The following CAPN15 variants were observed in gnomAD, a reference collection of about 807,000 sequenced individuals.
CAPN15 encodes the protein calpain 15.
Under a neutral mutation model 97.9 loss-of-function variants are expected in CAPN15, and 53 were observed. The observed-to-expected ratio is 0.54, with a 90% CI of 0.43 to 0.68. The LOEUF (loss-of-function observed/expected upper bound fraction) is 0.68. Among genes scored for constraint, CAPN15 ranks in the 30% least tolerant of loss-of-function variants. CAPN15 has a pLI of 0.00. For missense variants in CAPN15, 1,592 were observed against 1,589.8 expected, an observed-to-expected ratio of 1.00 and a Z score of -0.02; for synonymous variants, 922 against 722.5, an observed-to-expected ratio of 1.28 and a Z score of -4.43.
chr16:551,473 G>A (rs374971860), intron 8 of CAPN15, 39 bp from the exon 9 acceptor site: 74 of 1,601,178 alleles, frequency 4.6e-5, no homozygotes, highest in Middle Eastern at 1.7e-4. Context: ...GGTGAGACTC[G>A]GGCAGTGTGG....
intron 4 of CAPN15, 114 bp downstream of exon 4, chr16:548,401 T>A: frequency 9.1e-7 from 1 of 1,096,504 alleles, no homozygotes; most frequent in Non-Finnish European, 1.2e-6. Context: ...GCCTAAGACG[T>A]GATGGGGAGG....
chr16:551,007 TC>T (rs2035007759), intron 7 of CAPN15, among the ~76,000 whole-genome samples: 3 of 9,756 alleles, frequency 3.1e-4, no homozygotes, highest in Non-Finnish European at 5.7e-4. Context: ...TCGGTGAGGG[TC>T]CCCTGTCGGT....
At position 549,043 on chromosome 16, in the gene CAPN15, C is replaced by G; in HGVS notation, c.1500C>G (p.Val500=). The G allele has an allele frequency of 1.2e-6, 2 of 1,612,764 alleles. No homozygotes were observed. The highest frequency in any genetic ancestry group is 1.7e-6 in the Non-Finnish European group (2 of 1,179,946). ...DDSFPPGPES[V]GFPAGDSVQQ... ...GCTTCCCTCCCGGGCCCGAGTCTGT[C>G]GGCTTCCCCGCGGGTGACAGCGTGC... The change falls in exon 5 of 14, where the codon GTC becomes GTG. Residue 500 remains valine, a synonymous_variant. Coordinates refer to ENST00000219611, the MANE Select transcript of CAPN15 (RefSeq NM_005632.3).
intron 5 of CAPN15, 27 bp downstream of exon 5, chr16:549,228 G>A (rs776593204): frequency 6.5e-7 from 1 of 1,535,108 alleles, no homozygotes; most frequent in Non-Finnish European, 8.7e-7. Context: ...GGCCGGGGTG[G>A]GGCGGGTGGG....
chr16:548,317 C>A (rs2034745648), intron 4 of CAPN15, 30 bp downstream of exon 4: 2 of 1,439,438 alleles, frequency 1.4e-6, no homozygotes, highest in African/African-American at 3.0e-5. Flanking sequence ...TCTTCCTGCT[C>A]CTGAGCCTCC....
chr16:540,106 C>T, intron 3 of CAPN15: 3 of 985,490 alleles, frequency 3.0e-6, no homozygotes, highest in Non-Finnish European at 3.6e-6. Context: ...GCCGTCCTGT[C>T]TCTTCCCTCC....
chr16:545,040 A>C lies in CAPN15; in HGVS notation c.-22-1777A>C, dbSNP rs548644212. Among the ~76,000 whole-genome samples the C allele has an allele frequency of 2.6e-5, 4 of 151,754 alleles. No homozygotes were observed. The South Asian group carries it at 8.4e-4, about 32-fold the overall frequency. On this transcript the variant is annotated intron_variant, in intron 3 of 13. Transcript: ENST00000219611. ...TGAGAATTCCAAAAGGGCTTCGCTC[A>C]GGCCTGGCTTTGGGTCTTTGGGCTC... is the stretch of plus-strand genomic sequence containing the variant.
At chr16:551,945 G>A in intron 9 of CAPN15, 106 bp from the exon 10 acceptor site, 2 of 1,258,914 alleles carry the variant, frequency 1.6e-6, no homozygotes, top group East Asian at 2.5e-5. Context: ...CGGTGACGGA[G>A]CAGCTGGCAC....
rs2035069371 is a variant in CAPN15, at chr16:551,413, T to C, written c.2178T>C (p.Asp726=). The change falls in exon 8 of 14, where the codon GAT becomes GAC. Residue 726 remains aspartate (D), a synonymous_variant. Transcript: ENST00000219611. ...CCTACTCCATCCTGGATGTCCGAGA[T>C]GTCCAGGGCACCAGGTAGGGCCGGC... is the stretch of plus-strand genomic sequence containing the variant. ...RHAYSILDVR[D]VQGTRLLRLR... 6.2e-7 allele frequency: 1 copy of C among 1,608,184 alleles called. No homozygotes were observed. Among genetic ancestry groups the C allele is most frequent in the Non-Finnish European group, 8.5e-7 (1 of 1,176,668 alleles).
In CAPN15 at chr16:549,024, C is replaced by T; in HGVS notation, c.1481C>T (p.Pro494Leu). ...NNVSFVDDSF[P>L]PGPESVGFPA... is the part of the protein sequence containing the mutation. ...GTGAGCTTCGTGGATGACAGCTTCC[C>T]TCCCGGGCCCGAGTCTGTCGGCTTC... Residue 494 changes from proline to leucine, a missense_variant, in exon 5 of 14, where the codon CCT (proline) becomes CTT (leucine). Coordinates refer to ENST00000219611, the MANE Select transcript of CAPN15 (RefSeq NM_005632.3). 1 of 1,612,756 alleles carries T rather than the reference C, an allele frequency of 6.2e-7. No individual in the cohort carries two copies. The highest frequency in any genetic ancestry group is 1.1e-5 in the South Asian group (1 of 91,084).
Position 549,341 on chromosome 16 carries a change from T to C in CAPN15, c.1712T>C (p.Val571Ala). The C allele has an allele frequency of 6.3e-7, 1 of 1,593,610 alleles. No homozygotes were observed. The highest frequency in any genetic ancestry group is 1.3e-5 in the African/African-American group (1 of 74,810). The change falls in exon 6 of 14, where the codon GTG (valine) becomes GCG (alanine). Residue 571 changes from valine to alanine, a missense_variant. This residue lies in a region of CAPN15 where 65 missense variants were observed against 113.7 expected (regional missense o/e 0.57). Coordinates refer to ENST00000219611, the MANE Select transcript of CAPN15 (RefSeq NM_005632.3). ...LAERPDLVER[V>A]MVTRSLCAEG... Reference sequence around the variant, plus strand: ...GAGCGGCCGGACCTGGTGGAGCGGGTGATGGTCACGCGCAGCCTGTGTGCA... The same window carrying C: ...GAGCGGCCGGACCTGGTGGAGCGGGCGATGGTCACGCGCAGCCTGTGTGCA...
intron 2 of CAPN15, among the ~76,000 whole-genome samples, chr16:534,805 C>T (rs965825912): frequency 2.6e-5 from 4 of 152,222 alleles, no homozygotes; most frequent in African/African-American, 9.6e-5. Context: ...CTGCCCCCCA[C>T]ACCCCCAGCT....
rs555878154 is a variant in CAPN15, at chr16:535,807, G to C, written c.-136-222G>C. On this transcript the variant is annotated intron_variant, in intron 2 of 13. Transcript: ENST00000219611. The surrounding 1 kb of genome is among the most constrained non-coding windows in gnomAD (Gnocchi z 6.2). ...AGCACCTGAAACAGCCTGGCCCACA[G>C]CAGAGGCCCGGGGGGCACATGCAGC... 3.2e-4 allele frequency among the ~76,000 whole-genome samples: 49 copies of C among 152,288 alleles called. No individual in the cohort carries two copies. Among genetic ancestry groups the C allele is most frequent in the Admixed American group, 1.0e-3 (16 of 15,302 alleles).
chr16:551,868 C>A, intron 9 of CAPN15, 183 bp from the exon 10 acceptor site: 1 of 977,640 alleles, frequency 1.0e-6, no homozygotes, highest in Non-Finnish European at 1.6e-6. Flanking sequence ...CCCTGAAGAG[C>A]CGGCCCTGGA....
Position 537,580 on chromosome 16 carries a change from G to A in CAPN15, c.-23+1438G>A, listed in dbSNP as rs764453950. ...GCAGCTTCTGTCCCGTGGCACCTCC[G>A]CTAGTCGCCGCTCCCACCCAAGCCC... On this transcript the variant is annotated intron_variant, in intron 3 of 13. Coordinates refer to ENST00000219611, the MANE Select transcript of CAPN15 (RefSeq NM_005632.3). 30 of 325,902 alleles carry A rather than the reference G, an allele frequency of 9.2e-5. No individual in the cohort carries two copies. The Admixed American group carries it at 9.7e-4, about 10-fold the overall frequency. The allele number at this position is 325,902 out of a possible 1,614,324, so 20.2% of individuals were successfully genotyped here. A position where few individuals can be genotyped will look rare whatever the true frequency, so the allele number is the denominator to read the frequency against.
chr16:533,435 G>A (rs1372387418), intron 1 of CAPN15, among the ~76,000 whole-genome samples: 1 of 152,166 alleles, frequency 6.6e-6, no homozygotes, highest in African/African-American at 2.4e-5. Flanking sequence ...TGTAGTGGCC[G>A]GGTGGCACTC....
At chr16:550,192 C>T (rs1410698477) in intron 7 of CAPN15, among the ~76,000 whole-genome samples, 1 of 152,230 alleles carries the variant, frequency 6.6e-6, no homozygotes, top group Non-Finnish European at 1.5e-5. Context: ...CGAGTTTGGC[C>T]ACACTCTGGT....
In CAPN15 at chr16:549,855, T is replaced by C. The variant is rs1243517124; in HGVS notation, c.2066+17T>C. 5 of 1,548,006 alleles carry C rather than the reference T, an allele frequency of 3.2e-6. No individual in the cohort carries two copies. Among genetic ancestry groups the C allele is most frequent in the East Asian group, 4.8e-5 (2 of 41,620 alleles). ...GGAGGCTGGGTAAGAGGAGGGGCAC[T>C]GCGTGGTCAGCCGCGTTGGGAGGAG... On this transcript the variant is annotated intron_variant, in intron 7 of 13. Transcript: ENST00000219611.
chr16:531,214 T>G (rs1345934312), intron 1 of CAPN15, among the ~76,000 whole-genome samples: 3 of 152,222 alleles, frequency 2.0e-5, no homozygotes, highest in Non-Finnish European at 4.4e-5. Flanking sequence ...AAGTTTTATT[T>G]TTTTGAGCCA....
Sources: gnomAD v4.1 joint callset for allele counts (sites outside exome capture counted in the v4.1 genomes callset) on GRCh38, gnomAD v4.1.1 for gene constraint, gnomAD v4.1.1 regional missense constraint, Gnocchi (gnomAD v3.1) non-coding constraint, MANE v1.5 for transcripts, NCBI Gene and HGNC (gene_info 2026-07-23, HGNC 2026-07-21) for gene names.